PSG1: variants seen among roughly 807,000 people sequenced by gnomAD.
PSG1 encodes pregnancy specific beta-1-glycoprotein 1.
PSG1 carries 60 observed loss-of-function variants against 41.4 expected under a neutral mutation model. That is an observed-to-expected ratio of 1.45 (90% CI 1.18 to 1.80). The LOEUF is 1.80. PSG1 is among the 40% of genes most tolerant of loss of function. PSG1 has a pLI of 0.00. For missense variants in PSG1, 806 were observed against 516.9 expected (o/e 1.56, Z -5.42); for synonymous variants, 256 against 192.9 (o/e 1.33, Z -2.71).
chr19:42,877,578 C>A (rs145216547), intron 2 of PSG1, among the ~76,000 whole-genome samples: 2 of 151,630 alleles, frequency 1.3e-5, no homozygotes, highest in Non-Finnish European at 2.9e-5. Context: ...GCCCCTCAGG[C>A]CAAGCCCTAC....
chr19:42,877,916 G>A lies in PSG1; in HGVS notation c.427C>T (p.His143Tyr), dbSNP rs1136139. 2.0e-4 allele frequency: 328 copies of A among 1,612,080 alleles called. 3 individuals carry two copies. In the African/African-American group the frequency reaches 4.0e-3, roughly 19 times the overall value. Residue 143 changes from histidine to tyrosine, a missense_variant, in exon 2 of 6, where the codon CAC becomes TAC. By Grantham distance (83) the His-to-Tyr change is moderately conservative. Transcript: ENST00000436291. The part of the protein sequence containing the change: ...GVTGRFTFTL[H>Y]LETPKPSISS... ...GGGATCATGTGGAATCACTTACGGT[G>A]TAAGGTGAAGGTGAAACGTCCAGTT...
At chr19:42,871,705 G>A in intron 3 of PSG1, 62 bp downstream of exon 3, 1 of 1,612,446 alleles carries the variant, frequency 6.2e-7, no homozygotes, top group East Asian at 2.2e-5. Flanking sequence ...AGAGAGGCCT[G>A]GCCTCTGGCC....
intron 2 of PSG1, among the ~76,000 whole-genome samples, chr19:42,873,406 C>T (rs975004876): frequency 1.3e-5 from 2 of 151,398 alleles, no homozygotes; most frequent in East Asian, 1.9e-4. Context: ...TCTGGATTTC[C>T]GATGCTCAAT....
chr19:42,878,429 A>T lies in PSG1; in HGVS notation c.65-151T>A, dbSNP rs532183061. 3.1e-6 allele frequency: 4 copies of T among 1,284,392 alleles called. No homozygotes were observed. The South Asian group carries it at 6.2e-5, about 20-fold the overall frequency. The allele number at this position is 1,284,392 out of a possible 1,614,324, so 79.6% of individuals were successfully genotyped here. On this transcript the variant is annotated intron_variant, in intron 1 of 5. Transcript: ENST00000436291. ...CAAACACACACACACACACACACAC[A>T]AAAGCGGCATGTGTGATTGTGTGTG...
At chr19:42,876,729 G>A (rs1302683071) in intron 2 of PSG1, 8 of 168,322 alleles carry the variant, frequency 4.8e-5, no homozygotes, top group Non-Finnish European at 8.9e-5. Context: ...ACATTTTTTT[G>A]CACTGACTCT....
At position 42,878,520 on chromosome 19, in the gene PSG1, C is replaced by A. The variant is rs1228159365; in HGVS notation, c.65-242G>T. On this transcript the variant is annotated intron_variant, in intron 1 of 5. Transcript: ENST00000436291. Reference sequence around the variant, plus strand: ...AGCAGCATGACGCCCATTCCTTCAACACTTCTGACGTTGGCATTTTTCTGT... The same window carrying A: ...AGCAGCATGACGCCCATTCCTTCAAAACTTCTGACGTTGGCATTTTTCTGT... The A allele has an allele frequency of 1.1e-5, 7 of 654,310 alleles. No individual in the cohort carries two copies. In the Admixed American group the frequency reaches 2.5e-4, roughly 23 times the overall value. The allele number at this position is 654,310 out of a possible 1,614,324, so 40.5% of individuals were successfully genotyped here. A position where few individuals can be genotyped will look rare whatever the true frequency, so the allele number is the denominator to read the frequency against.
At position 42,868,872 on chromosome 19, in the gene PSG1, T is replaced by C. The variant is rs1225542200; in HGVS notation, c.872A>G (p.Glu291Gly). The C allele has an allele frequency of 3.7e-6, 6 of 1,610,972 alleles. No homozygotes were observed. The East Asian group carries it at 6.7e-5, about 18-fold the overall frequency. Residue 291 changes from glutamate to glycine, a missense_variant, in exon 4 of 6, where the codon GAA (glutamate) becomes GGA (glycine). By Grantham distance (98) the Glu-to-Gly change is moderately conservative (BLOSUM62 -2). Coordinates refer to ENST00000436291, the MANE Select transcript of PSG1 (RefSeq NM_001184825.2). ...ACTGGGTAGAATGAGGATCCTGTTT[T>C]CAATGGGTCGCTTTACCCTGGGACT... ...PVSPRVKRPI[E>G]NRILILPSVT...
rs1355150502 is a variant in PSG1 at position 42,867,074 on chromosome 19, A to T, written c.*60T>A. The T allele has an allele frequency of 2.6e-6, 2 of 772,564 alleles. No homozygotes were observed. Among genetic ancestry groups the T allele is most frequent in the Non-Finnish European group, 4.8e-6 (2 of 417,556 alleles). The allele number at this position is 772,564 out of a possible 1,614,324, so 47.9% of individuals were successfully genotyped here. ...CCAGCTTATAGGGCTTCTGGAACAG[A>T]GTGGGTCTTGCTCTTAGTGATTCCA... On this transcript the variant is annotated 3_prime_UTR_variant, in exon 6 of 6. Coordinates refer to ENST00000436291, the MANE Select transcript of PSG1 (RefSeq NM_001184825.2).
In PSG1 at chr19:42,876,769, A is replaced by T. The variant is rs901997650; in HGVS notation, c.430+1144T>A. On this transcript the variant is annotated intron_variant, in intron 2 of 5. Transcript: ENST00000436291. The stretch of plus-strand genomic sequence containing the variant: ...GTTGAAGCAGGTGATTTAGTTCTGG[A>T]GTGCAGACTAATCAGCTGACCATTT... 1.3e-4 allele frequency: 21 copies of T among 162,084 alleles called. 1 individual carries two copies. The highest frequency in any genetic ancestry group is 1.3e-3 in the Admixed American group (20 of 15,522). The allele number at this position is 162,084 out of a possible 1,614,324, so 10.0% of individuals were successfully genotyped here. A position where few individuals can be genotyped will look rare whatever the true frequency, so the allele number is the denominator to read the frequency against.
chr19:42,875,610 C>T (rs1469643984), intron 2 of PSG1, among the ~76,000 whole-genome samples: 1 of 151,394 alleles, frequency 6.6e-6, no homozygotes, highest in East Asian at 1.9e-4. Context: ...TGTCCCCCTG[C>T]CCCCATGATT....
intron 2 of PSG1, among the ~76,000 whole-genome samples, chr19:42,874,406 G>A (rs1971519663): frequency 6.6e-6 from 1 of 151,446 alleles, no homozygotes; most frequent in Admixed American, 6.6e-5. Context: ...CAGTGCAGTG[G>A]CATGATCTCA....
rs117147176 is a variant in PSG1, at chr19:42,867,332, G to C, written c.1244-182C>G. ...GGTGGAGTTTCTTCAAATGTGGTCT[G>C]ATTGTTTACATAAGTGCAGCAAGAG... On this transcript the variant is annotated intron_variant, in intron 5 of 5. Coordinates refer to ENST00000436291, the MANE Select transcript of PSG1 (RefSeq NM_001184825.2). The C allele has an allele frequency of 1.0e-4, 65 of 628,816 alleles. 1 individual carries two copies. The African/African-American group carries it at 1.1e-3, about 10-fold the overall frequency. 39.0% of individuals were successfully genotyped at this position (628,816 alleles called of 1,614,324 possible). A position where few individuals can be genotyped will look rare whatever the true frequency, so the allele number is the denominator to read the frequency against.
rs187519846 is a variant in PSG1 at position 42,879,090 on chromosome 19, G to T, written c.64+428C>A. ...ATACGACTTTCCTGTTTTGACCCCT[G>T]TCCCTCTCTGGTGTATTTTCCCCTA... On this transcript the variant is annotated intron_variant, in intron 1 of 5. Transcript: ENST00000436291. Among the ~76,000 whole-genome samples, 21 of 151,274 alleles carry T rather than the reference G, an allele frequency of 1.4e-4. 1 individual carries two copies. The highest frequency in any genetic ancestry group is 2.2e-4 in the Non-Finnish European group (15 of 67,804).
intron 2 of PSG1, among the ~76,000 whole-genome samples, chr19:42,877,436 G>A (rs182371191): frequency 1.1e-4 from 17 of 151,724 alleles, no homozygotes; most frequent in Admixed American, 5.9e-4. Context: ...CTTGGTCCCA[G>A]TAAGCCCTGC....
rs185489519 is a variant in PSG1, at chr19:42,876,596, T to A, written c.430+1317A>T. The A allele has an allele frequency of 6.9e-4, 245 of 353,262 alleles. 8 individuals are homozygous for A. The East Asian group carries it at 0.019, about 27-fold the overall frequency. The allele number at this position is 353,262 out of a possible 1,614,324, so 21.9% of individuals were successfully genotyped here. On this transcript the variant is annotated intron_variant, in intron 2 of 5. Transcript: ENST00000436291. ...TCGCTGGGCCTGTGGTGGTGTAGAG[T>A]GTGAGTGGGGAAAGAAAACAAGGTC...
intron 2 of PSG1, among the ~76,000 whole-genome samples, chr19:42,874,765 A>C (rs2122539658): frequency 6.6e-6 from 1 of 151,700 alleles, no homozygotes; most frequent in South Asian, 2.1e-4. Context: ...CTCTCTAGAA[A>C]GTGACCGGAG....
chr19:42,878,300 A>T (rs1284007193), intron 1 of PSG1, 22 bp from the exon 2 acceptor site: 1 of 1,592,358 alleles, frequency 6.3e-7, no homozygotes, highest in Non-Finnish European at 8.5e-7. Flanking sequence ...AGAGAACATC[A>T]GTCAATATTG....
intron 5 of PSG1, 129 bp downstream of exon 5, chr19:42,867,972 G>A: frequency 1.3e-6 from 2 of 1,598,896 alleles, no homozygotes; most frequent in South Asian, 1.1e-5. Context: ...GGGTTCAGGA[G>A]GAGAATTTGG....
rs1058817 is a variant in PSG1, at chr19:42,867,005, C to A, written c.*129G>T. ...TGAGTTCTGAGTGGCTCATGCTTCA[C>A]GTACAAGGGTTTTCCCATGAAATTT... On this transcript the variant is annotated 3_prime_UTR_variant, in exon 6 of 6. Transcript: ENST00000436291. 1.3e-6 allele frequency: 1 copy of A among 763,924 alleles called. No individual in the cohort carries two copies. Among genetic ancestry groups the A allele is most frequent in the Non-Finnish European group, 2.4e-6 (1 of 416,894 alleles). The allele number at this position is 763,924 out of a possible 1,614,324, so 47.3% of individuals were successfully genotyped here. A position where few individuals can be genotyped will look rare whatever the true frequency, so the allele number is the denominator to read the frequency against.
Sources: gnomAD v4.1 joint callset for allele counts (sites outside exome capture counted in the v4.1 genomes callset) on GRCh38, gnomAD v4.1.1 for gene constraint, MANE v1.5 for transcripts, NCBI Gene and HGNC (gene_info 2026-07-23, HGNC 2026-07-21) for gene names.